The following NPEPPS variants were observed in gnomAD, a reference collection of about 807,000 sequenced individuals.
NPEPPS encodes puromycin-sensitive aminopeptidase.
A neutral mutation model predicts 115.5 loss-of-function variants in NPEPPS; 14 were observed. The ratio of observed to expected loss-of-function variants is 0.12; its 90% CI spans 0.08 to 0.19. The LOEUF is 0.19. Ranked by LOEUF, NPEPPS falls within the 10% of genes least tolerant of loss-of-function variation. The probability of loss-of-function intolerance (pLI) is 1.00; values close to 1 mark genes in which losing one functional copy is unlikely to be tolerated. For synonymous variants in NPEPPS, 285 were observed against 390.6 expected (o/e 0.73, Z 3.19); for missense variants, 523 against 1,110.8 (o/e 0.47, Z 7.52).
intron 5 of NPEPPS, among the ~76,000 whole-genome samples, chr17:47,583,695 G>C (rs1294924326): frequency 6.6e-6 from 1 of 152,098 alleles, no homozygotes; most frequent in African/African-American, 2.4e-5. Flanking sequence ...CAGGAGGATT[G>C]CTTGAGGCCA....
At chr17:47,535,041 G>C (rs1188169407) in intron 1 of NPEPPS, among the ~76,000 whole-genome samples, 1 of 150,136 alleles carries the variant, frequency 6.7e-6, no homozygotes, top group African/African-American at 2.5e-5. Flanking sequence ...TCAGGAGATC[G>C]AGACCATCCT....
At chr17:47,568,474 T>C (rs865945897) in intron 2 of NPEPPS, among the ~76,000 whole-genome samples, 2 of 151,992 alleles carry the variant, frequency 1.3e-5, no homozygotes, top group Middle Eastern at 6.8e-3. Context: ...TCCGGCCTGA[T>C]TGGCCAGCTT....
intron 1 of NPEPPS, among the ~76,000 whole-genome samples, chr17:47,533,126 A>T (rs1907944939): frequency 6.6e-6 from 1 of 151,158 alleles, no homozygotes; most frequent in Non-Finnish European, 1.5e-5. Context: ...ATATGTCTAA[A>T]AGTACAGAAT....
chr17:47,575,169 T>G (rs572216068), intron 3 of NPEPPS, among the ~76,000 whole-genome samples: 14 of 152,370 alleles, frequency 9.2e-5, no homozygotes, highest in African/African-American at 2.4e-4. Context: ...GTCTACCGTC[T>G]TCTTTCTCAG....
chr17:47,594,672 G>A (rs1381857683), intron 12 of NPEPPS, among the ~76,000 whole-genome samples: 39 of 151,292 alleles, frequency 2.6e-4, no homozygotes, highest in Non-Finnish European at 4.3e-4. Context: ...TCGCTCTGTC[G>A]CCCAGGCTGG....
Position 47,621,878 on chromosome 17 carries a change from C to T in NPEPPS, c.2718C>T (p.His906=). 1 of 1,613,714 alleles carries T rather than the reference C, an allele frequency of 6.2e-7. No individual in the cohort carries two copies. Among genetic ancestry groups the T allele is most frequent in the Non-Finnish European group, 8.5e-7 (1 of 1,179,746 alleles). ...TAAAGCGAGATGCTGAGAGCATCCA[C>T]CAGTACCTCCTTCAGCGGAAGGCCT... ...AWLKRDAESI[H]QYLLQRKASP... Residue 906 remains histidine, a synonymous_variant, in exon 23 of 23, where the codon CAC becomes CAT. Coordinates refer to ENST00000322157, the MANE Select transcript of NPEPPS (RefSeq NM_006310.4).
At chr17:47,524,797 C>A (rs1907365080) in intron 1 of NPEPPS, among the ~76,000 whole-genome samples, 1 of 151,434 alleles carries the variant, frequency 6.6e-6, no homozygotes, top group Non-Finnish European at 1.5e-5. Context: ...AGCCACCGTG[C>A]CCGGCCAATT....
intron 15 of NPEPPS, 144 bp downstream of exon 15, chr17:47,601,891 G>A (rs776055460): frequency 1.3e-6 from 1 of 785,042 alleles, no homozygotes; most frequent in Non-Finnish European, 2.0e-6. Flanking sequence ...TTTTCATATA[G>A]TATTGTCCAG....
intron 1 of NPEPPS, among the ~76,000 whole-genome samples, chr17:47,539,571 C>A (rs1908602188): frequency 6.6e-6 from 1 of 152,120 alleles, no homozygotes; most frequent in South Asian, 2.1e-4. Flanking sequence ...AAGCCCATTT[C>A]CATCTCGTCC....
chr17:47,616,553 G>A (rs1413948354), intron 19 of NPEPPS, among the ~76,000 whole-genome samples: 8 of 151,730 alleles, frequency 5.3e-5, no homozygotes, highest in African/African-American at 1.7e-4. Context: ...GTGTGGTGGC[G>A]GGCGCCTGTA....
intron 12 of NPEPPS, among the ~76,000 whole-genome samples, chr17:47,595,431 A>G (rs1332830435): frequency 6.6e-6 from 1 of 152,226 alleles, no homozygotes; most frequent in Non-Finnish European, 1.5e-5. Flanking sequence ...GTGATTGTTT[A>G]GTAGTGATCT....
chr17:47,577,838 C>T (rs546263959), intron 3 of NPEPPS, among the ~76,000 whole-genome samples: 10 of 152,104 alleles, frequency 6.6e-5, no homozygotes, highest in African/African-American at 2.2e-4. Flanking sequence ...CTCGCACTCC[C>T]CATAACTTTT....
intron 12 of NPEPPS, 66 bp from the exon 13 acceptor site, chr17:47,596,287 A>C (rs78642018): frequency 0.054 from 56,349 of 1,046,162 alleles, 1,840 homozygotes; most frequent in Middle Eastern, 0.14. Context: ...AAGTTAAATA[A>C]AATTTCTTTT....
At chr17:47,556,609 C>T (rs1474333467) in intron 2 of NPEPPS, among the ~76,000 whole-genome samples, 23 of 152,264 alleles carry the variant, frequency 1.5e-4, no homozygotes, top group African/African-American at 4.1e-4. Context: ...ACCTCCCAGA[C>T]GGGGTGGCGG....
In NPEPPS at chr17:47,622,168, C is replaced by T. The variant is rs1247516732; in HGVS notation, c.*248C>T. ...TAAATATGATAGTAATAAAATAGAG[C>T]ATAACGAAACTGTGAAACTTTCTGA... On this transcript the variant is annotated 3_prime_UTR_variant, in exon 23 of 23. Transcript: ENST00000322157. 4.0e-6 allele frequency: 4 copies of T among 988,540 alleles called. No individual in the cohort carries two copies. Among genetic ancestry groups the T allele is most frequent in the Non-Finnish European group, 3.8e-6 (3 of 786,746 alleles). 61.2% of individuals were successfully genotyped at this position (988,540 alleles called of 1,614,324 possible).
Position 47,619,094 on chromosome 17 carries a change from T to C in NPEPPS, c.2489T>C (p.Phe830Ser). The change falls in exon 21 of 23, where the codon TTC becomes TCC. Residue 830 changes from phenylalanine (F) to serine (S), a missense_variant. Physicochemically the swap from Phe to Ser is radical, Grantham distance 155. Coordinates refer to ENST00000322157, the MANE Select transcript of NPEPPS (RefSeq NM_006310.4). ...SKHGRKAAWKFIKDNWEELYN... is the reference protein window; with the variant it reads ...SKHGRKAAWKSIKDNWEELYN... ...CATGGTAGGAAAGCTGCTTGGAAAT[T>C]CATAAAGGACAACTGGGAAGAACTT... 6.2e-7 allele frequency: 1 copy of C among 1,613,964 alleles called. No individual in the cohort carries two copies. Among genetic ancestry groups the C allele is most frequent in the Non-Finnish European group, 8.5e-7 (1 of 1,179,856 alleles).
chr17:47,587,686 T>C (rs561083074), intron 9 of NPEPPS, among the ~76,000 whole-genome samples: 1 of 152,372 alleles, frequency 6.6e-6, no homozygotes, highest in East Asian at 1.9e-4. Flanking sequence ...CTGTAGTTTC[T>C]TGAATCTTAT....
chr17:47,557,834 A>G (rs1425987511), intron 2 of NPEPPS, among the ~76,000 whole-genome samples: 5 of 149,094 alleles, frequency 3.4e-5, no homozygotes, highest in African/African-American at 1.2e-4. Flanking sequence ...TAACCAGGTA[A>G]TGAACATATT....
intron 4 of NPEPPS, chr17:47,581,483 A>G (rs1196445277): frequency 6.6e-6 from 1 of 152,076 alleles, no homozygotes; most frequent in East Asian, 1.9e-4. Flanking sequence ...TTCAAACTTA[A>G]ATCTTGTTAT....
Sources: gnomAD v4.1 joint callset for allele counts (sites outside exome capture counted in the v4.1 genomes callset) on GRCh38, gnomAD v4.1.1 for gene constraint, MANE v1.5 for transcripts, NCBI Gene and HGNC (gene_info 2026-07-23, HGNC 2026-07-21) for gene names.